GLG1: variants seen among roughly 807,000 people sequenced by gnomAD.
GLG1 encodes the protein golgi glycoprotein 1.
In GLG1, 38 loss-of-function variants were observed where a neutral mutation model predicts 160.5. The ratio of observed to expected loss-of-function variants is 0.24; its 90% CI spans 0.18 to 0.31. The LOEUF (loss-of-function observed/expected upper bound fraction) is 0.31, where lower values mean the gene tolerates loss of function less well. GLG1 is among the 10% of genes least tolerant of loss of function. The pLI is 1.00. For synonymous variants in GLG1, 644 were observed against 543.4 expected (o/e 1.19, Z -2.57); for missense variants, 1,373 against 1,505.2 (o/e 0.91, Z 1.45).
At chr16:74,478,268 A>C (rs1437241683) in intron 11 of GLG1, among the ~76,000 whole-genome samples, 1 of 152,202 alleles carries the variant, frequency 6.6e-6, no homozygotes, top group Non-Finnish European at 1.5e-5. Flanking sequence ...TTGACTCAGG[A>C]GAAATGAGTT....
chr16:74,455,315 C>T (rs1204186736), intron 25 of GLG1, among the ~76,000 whole-genome samples: 1 of 152,106 alleles, frequency 6.6e-6, no homozygotes, highest in African/African-American at 2.4e-5. Flanking sequence ...ATATCACGTA[C>T]ACAGAACAGA....
At chr16:74,460,769 C>T (rs746033546) in intron 22 of GLG1, among the ~76,000 whole-genome samples, 1 of 152,210 alleles carries the variant, frequency 6.6e-6, no homozygotes, top group Non-Finnish European at 1.5e-5. Context: ...ACACTGTAAA[C>T]ACTGAGACTT....
At chr16:74,530,390 CAG>C (rs1351370849) in intron 2 of GLG1, among the ~76,000 whole-genome samples, 2 of 152,134 alleles carry the variant, frequency 1.3e-5, no homozygotes, top group Admixed American at 6.5e-5. Context: ...ACTTCTTCTG[CAG>C]AGAGCCAGAA....
intron 8 of GLG1, among the ~76,000 whole-genome samples, chr16:74,490,584 T>C (rs983429393): frequency 6.6e-6 from 1 of 152,158 alleles, no homozygotes; most frequent in African/African-American, 2.4e-5. Flanking sequence ...AAAATTTCAA[T>C]TCATATCAAC....
At chr16:74,564,617 G>A (rs2018599373) in intron 1 of GLG1, among the ~76,000 whole-genome samples, 2 of 152,158 alleles carry the variant, frequency 1.3e-5, no homozygotes, top group Admixed American at 6.5e-5. Flanking sequence ...GATGGTAACT[G>A]AGTAGCACTA....
intron 1 of GLG1, among the ~76,000 whole-genome samples, chr16:74,598,519 C>CA (rs949604282): frequency 9.5e-4 from 112 of 117,320 alleles, no homozygotes; most frequent in East Asian, 2.6e-3. Context: ...GACTCCATCT[C>CA]AAAAAAAAAA....
intron 4 of GLG1, among the ~76,000 whole-genome samples, chr16:74,499,891 C>CTG (rs1258353319): frequency 1.3e-5 from 2 of 152,074 alleles, no homozygotes; most frequent in Non-Finnish European, 2.9e-5. Context: ...TAGTCCCAGC[C>CTG]ACTCAGGAGG....
intron 1 of GLG1, among the ~76,000 whole-genome samples, chr16:74,544,622 T>C (rs2017994082): frequency 6.6e-6 from 1 of 152,210 alleles, no homozygotes; most frequent in African/African-American, 2.4e-5. Flanking sequence ...CCCTCTTGCC[T>C]TACTTAGTCT....
intron 15 of GLG1, 22 bp downstream of exon 15, chr16:74,471,151 T>C (rs753132092): frequency 1.6e-5 from 19 of 1,223,888 alleles, no homozygotes; most frequent in Middle Eastern, 1.9e-4. Flanking sequence ...TGATGGGATA[T>C]TGGCAGCCAG....
intron 24 of GLG1, 152 bp from the exon 25 acceptor site, chr16:74,456,907 TC>T (rs1470768847): frequency 1.6e-6 from 1 of 622,966 alleles, no homozygotes; most frequent in Non-Finnish European, 2.8e-6. Flanking sequence ...TGATCCAGGA[TC>T]CAACAATGGA....
At chr16:74,546,534 G>T (rs993076491) in intron 1 of GLG1, among the ~76,000 whole-genome samples, 3 of 152,006 alleles carry the variant, frequency 2.0e-5, no homozygotes, top group Non-Finnish European at 4.4e-5. Context: ...AAGAATTTAT[G>T]ATTAGAAGGA....
At chr16:74,492,823 GAAA>G (rs370571319) in intron 7 of GLG1, 131 bp downstream of exon 7, 654 of 332,232 alleles carry the variant, frequency 2.0e-3, no homozygotes, top group South Asian at 4.1e-3. Context: ...TCCGTCTCAA[GAAA>G]AAAAAAAAAA....
chr16:74,584,004 C>G (rs1957993196), intron 1 of GLG1, among the ~76,000 whole-genome samples: 1 of 152,128 alleles, frequency 6.6e-6, no homozygotes, highest in Non-Finnish European at 1.5e-5. Context: ...CTTCTATCTC[C>G]TTTGCTACTA....
chr16:74,454,628 T>C (rs1439983042), intron 25 of GLG1, among the ~76,000 whole-genome samples: 7 of 116,898 alleles, frequency 6.0e-5, no homozygotes, highest in Admixed American at 5.0e-4. Flanking sequence ...ACTGCACTAC[T>C]GGACTCCAGC....
rs746432628 is a variant in GLG1, at chr16:74,606,688, G to C, written c.407C>G (p.Ala136Gly). 3.8e-6 allele frequency: 6 copies of C among 1,599,218 alleles called. No homozygotes were observed. The African/African-American group carries it at 6.7e-5, about 18-fold the overall frequency. ...CACATCCTGCAGGCACTCGAGCACCGCCAGGTTGTTGCTCCAGGTGTGCTT... is the reference window on the plus strand; with the variant it reads ...CACATCCTGCAGGCACTCGAGCACCCCCAGGTTGTTGCTCCAGGTGTGCTT... ...CPKHTWSNNLAVLECLQDVRE... is the reference protein window; with the variant it reads ...CPKHTWSNNLGVLECLQDVRE... Residue 136 changes from alanine (A) to glycine (G), a missense_variant, in exon 1 of 26, where the codon GCG (alanine) becomes GGG (glycine). Transcript: ENST00000422840.
At chr16:74,483,600 T>G (rs2015682644) in intron 9 of GLG1, among the ~76,000 whole-genome samples, 1 of 152,238 alleles carries the variant, frequency 6.6e-6, no homozygotes, top group Non-Finnish European at 1.5e-5. Context: ...AGCAATTATT[T>G]TAAAAGCTTT....
intron 7 of GLG1, 77 bp from the exon 8 acceptor site, chr16:74,491,292 G>T: frequency 3.0e-6 from 3 of 1,011,528 alleles, no homozygotes; most frequent in Non-Finnish European, 1.6e-6. Context: ...CCTATTAAAA[G>T]TACATATTTC....
rs1363511000 is a variant in GLG1, at chr16:74,503,620, T to C, written c.685A>G (p.Ser229Gly). The change falls in exon 4 of 26, where the codon AGT becomes GGT. Residue 229 changes from serine (S) to glycine (G), a missense_variant. Physicochemically the swap from Ser to Gly is moderately conservative, Grantham distance 56. Transcript: ENST00000422840. ...AAGCCACAGATTAAACGGTAATCAC[T>C]AAAAATGATGGCCGTCATCTTGGTA... ...YITKMTAIIF[S>G]DYRLICGFMD... 1 of 1,613,492 alleles carries C rather than the reference T, an allele frequency of 6.2e-7. No individual in the cohort carries two copies. Among genetic ancestry groups the C allele is most frequent in the Non-Finnish European group, 8.5e-7 (1 of 1,179,526 alleles).
intron 11 of GLG1, among the ~76,000 whole-genome samples, chr16:74,479,747 C>T (rs1050886892): frequency 6.6e-5 from 10 of 152,134 alleles, no homozygotes; most frequent in African/African-American, 2.4e-4. Flanking sequence ...GCTGCCGAGA[C>T]CCCAGCACAC....
Sources: allele counts gnomAD v4.1 joint callset (sites outside exome capture counted in the v4.1 genomes callset), GRCh38; gene constraint gnomAD v4.1.1; transcripts MANE v1.5; gene names NCBI Gene and HGNC (gene_info 2026-07-23, HGNC 2026-07-21).